IL1RAPL1: variants seen among roughly 807,000 people sequenced by gnomAD.
IL1RAPL1 encodes interleukin-1 receptor accessory protein-like 1.
In IL1RAPL1, 3 loss-of-function variants were observed where a neutral mutation model predicts 48.4. That is an observed-to-expected ratio of 0.06 (90% CI 0.03 to 0.16). IL1RAPL1 has a LOEUF of 0.16. Ranked by LOEUF, IL1RAPL1 falls within the 10% of genes least tolerant of loss-of-function variation. IL1RAPL1 has a pLI of 1.00. For missense variants in IL1RAPL1, 349 were observed against 530.6 expected (o/e 0.66, Z 3.36); for synonymous variants, 185 against 187.7 (o/e 0.99, Z 0.12).
chrX:29,307,278 A>C (rs2147615913), intron 3 of IL1RAPL1, among the ~76,000 whole-genome samples: 1 of 111,971 alleles, frequency 8.9e-6, no homozygotes, highest in African/African-American at 3.2e-5. Flanking sequence ...AGTTTCAGAA[A>C]CCCCTTGTCA....
At chrX:29,175,365 AGTGAGTTATACAT>A (rs1298415670) in intron 2 of IL1RAPL1, among the ~76,000 whole-genome samples, 1 of 112,066 alleles carries the variant, frequency 8.9e-6, no homozygotes, top group African/African-American at 3.2e-5. Context: ...AAGCCAATGA[AGTGAGTTATACAT>A]GGGCTGAGAT....
rs764382394 is a variant in IL1RAPL1 at position 29,096,147 on chromosome X, T to C, written c.83-186791T>C. ...TTATGTCAGACAATGCTTTTTAATA[T>C]ACTGTTCAGTGCAGCACCCTACCAA... On this transcript the variant is annotated intron_variant, in intron 2 of 10. Coordinates refer to ENST00000378993, the MANE Select transcript of IL1RAPL1 (RefSeq NM_014271.4). Among the ~76,000 whole-genome samples, 24 of 111,687 alleles carry C rather than the reference T, an allele frequency of 2.1e-4. No homozygotes were observed. The South Asian group carries it at 7.9e-3, about 37-fold the overall frequency.
rs1464562580 is a variant in IL1RAPL1, at chrX:28,775,580, T to C, written c.-24-13740T>C. Among the ~76,000 whole-genome samples, 29 of 112,942 alleles carry C rather than the reference T, an allele frequency of 2.6e-4. No individual in the cohort carries two copies. The Admixed American group carries it at 2.7e-3, about 11-fold the overall frequency. On this transcript the variant is annotated intron_variant, in intron 1 of 10. Transcript: ENST00000378993. The stretch of plus-strand genomic sequence containing the variant: ...GAGTTAGAATTTCAACATATCTTTT[T>C]AGAGGACAATTCAACCTGCAACAGT...
rs1332560977 is a variant in IL1RAPL1, at chrX:28,958,186, G to A, written c.82+168761G>A. On this transcript the variant is annotated intron_variant, in intron 2 of 10. Transcript: ENST00000378993. Reference sequence around the variant, plus strand: ...AAAGAATATATTGATATTAACTGTAGTCATGATGTTGCACAATAGATCTCT... The same window carrying A: ...AAAGAATATATTGATATTAACTGTAATCATGATGTTGCACAATAGATCTCT... Among the ~76,000 whole-genome samples, 4 of 110,335 alleles carry A rather than the reference G, an allele frequency of 3.6e-5. No individual in the cohort carries two copies. The East Asian group carries it at 1.1e-3, about 31-fold the overall frequency.
intron 1 of IL1RAPL1, among the ~76,000 whole-genome samples, chrX:28,774,307 A>G (rs1936339288): frequency 9.0e-6 from 1 of 111,578 alleles, no homozygotes; most frequent in South Asian, 3.7e-4. Context: ...AAGTTATCCA[A>G]ACCTTAGTGT....
At chrX:28,790,831 T>C (rs1936529526) in intron 2 of IL1RAPL1, among the ~76,000 whole-genome samples, 1 of 111,770 alleles carries the variant, frequency 8.9e-6, no homozygotes, top group Non-Finnish European at 1.9e-5. Context: ...TCAAGTACAA[T>C]TGAGCATAAC....
At chrX:28,722,044 G>C (rs1465197429) in intron 1 of IL1RAPL1, among the ~76,000 whole-genome samples, 1 of 111,611 alleles carries the variant, frequency 9.0e-6, no homozygotes, top group Non-Finnish European at 1.9e-5. Flanking sequence ...CTCCAGCTTT[G>C]TTCTTTTGGC....
At chrX:29,641,292 T>C (rs889605352) in intron 5 of IL1RAPL1, among the ~76,000 whole-genome samples, 2 of 113,223 alleles carry the variant, frequency 1.8e-5, no homozygotes, top group Non-Finnish European at 3.7e-5. Context: ...CATACTTGTT[T>C]GCTTATCCTT....
At chrX:29,748,538 A>G (rs1005561192) in intron 6 of IL1RAPL1, among the ~76,000 whole-genome samples, 2 of 112,694 alleles carry the variant, frequency 1.8e-5, no homozygotes, top group Non-Finnish European at 3.8e-5. Context: ...GTGAGAGGGA[A>G]TGGATATTAT....
chrX:29,728,038 C>T (rs1341558587), intron 6 of IL1RAPL1, among the ~76,000 whole-genome samples: 1 of 110,069 alleles, frequency 9.1e-6, no homozygotes, highest in Non-Finnish European at 1.9e-5. Flanking sequence ...CCCGGGTTCA[C>T]GCCATTCTCC....
chrX:29,173,691 A>G (rs1929951743), intron 2 of IL1RAPL1, among the ~76,000 whole-genome samples: 2 of 111,740 alleles, frequency 1.8e-5, no homozygotes, highest in East Asian at 2.8e-4. Context: ...TTAGCATGGC[A>G]TATGCTACTT....
intron 2 of IL1RAPL1, among the ~76,000 whole-genome samples, chrX:28,871,399 T>G (rs185406346): frequency 3.8e-3 from 431 of 112,020 alleles, no homozygotes; most frequent in Non-Finnish European, 6.5e-3. Context: ...AGGATAAGCT[T>G]TAACTGCCTT....
chrX:29,024,790 A>G (rs1926448651), intron 2 of IL1RAPL1, among the ~76,000 whole-genome samples: 1 of 111,790 alleles, frequency 8.9e-6, no homozygotes, highest in African/African-American at 3.2e-5. Flanking sequence ...TCATTTTTCT[A>G]CAGCATTATC....
At chrX:28,879,092 T>TTTAATTA (rs1398020320) in intron 2 of IL1RAPL1, among the ~76,000 whole-genome samples, 8 of 112,048 alleles carry the variant, frequency 7.1e-5, no homozygotes, top group African/African-American at 2.6e-4. Flanking sequence ...CATTAACATT[T>TTTAATTA]TTAATTATTA....
chrX:29,923,494 T>G (rs756473999), intron 8 of IL1RAPL1, among the ~76,000 whole-genome samples: 1 of 112,665 alleles, frequency 8.9e-6, no homozygotes, highest in Non-Finnish European at 1.9e-5. Context: ...TCTTCACTCC[T>G]GCCAGAAGCT....
chrX:29,435,423 G>A (rs1440041973), intron 5 of IL1RAPL1, among the ~76,000 whole-genome samples: 1 of 110,850 alleles, frequency 9.0e-6, no homozygotes, highest in Non-Finnish European at 1.9e-5. Context: ...ACTACAATCC[G>A]TATGTTTGTA....
chrX:28,637,619 T>C (rs188681075), intron 1 of IL1RAPL1, among the ~76,000 whole-genome samples: 2 of 112,046 alleles, frequency 1.8e-5, no homozygotes, highest in Admixed American at 9.5e-5. Context: ...TCTTCTCCTC[T>C]CTTAGAACAT....
intron 2 of IL1RAPL1, among the ~76,000 whole-genome samples, chrX:28,802,676 A>G (rs1483816695): frequency 1.8e-5 from 2 of 112,385 alleles, no homozygotes; most frequent in Middle Eastern, 4.7e-3. Flanking sequence ...TCAATGATGA[A>G]GAAAGATTTT....
At chrX:29,032,130 G>T (rs1404086198) in intron 2 of IL1RAPL1, among the ~76,000 whole-genome samples, 1 of 111,504 alleles carries the variant, frequency 9.0e-6, no homozygotes, top group Non-Finnish European at 1.9e-5. Flanking sequence ...ACTTTTAAAG[G>T]GATGGTTTTC....
Sources: allele counts gnomAD v4.1 joint callset (sites outside exome capture counted in the v4.1 genomes callset), GRCh38; gene constraint gnomAD v4.1.1; transcripts MANE v1.5; gene names NCBI Gene and HGNC (gene_info 2026-07-23, HGNC 2026-07-21).